The following BACH2 variants were observed in gnomAD, a reference collection of about 807,000 sequenced individuals.
BACH2 encodes the protein transcription regulator protein BACH2.
BACH2 carries 5 observed loss-of-function variants against 61.8 expected under a neutral mutation model. The ratio of observed to expected loss-of-function variants is 0.08; its 90% CI spans 0.04 to 0.17. The LOEUF is 0.17. BACH2 is among the 10% of genes least tolerant of loss of function. BACH2 has a pLI of 1.00. For missense variants in BACH2, 824 were observed against 1,091.1 expected, an observed-to-expected ratio of 0.76 and a Z score of 3.45; for synonymous variants, 446 against 440.1, an observed-to-expected ratio of 1.01 and a Z score of -0.17.
chr6:90,211,295 C>A (rs1257113953), intron 3 of BACH2, among the ~76,000 whole-genome samples: 1 of 152,104 alleles, frequency 6.6e-6, no homozygotes, highest in African/African-American at 2.4e-5. Context: ...CCTCACCAGC[C>A]AGGTCCTCGC....
At chr6:90,230,142 G>C (rs187530141) in intron 3 of BACH2, among the ~76,000 whole-genome samples, 1 of 152,310 alleles carries the variant, frequency 6.6e-6, no homozygotes, top group Non-Finnish European at 1.5e-5. Flanking sequence ...TTTTGAGAAA[G>C]GATGCTGAGG....
intron 5 of BACH2, among the ~76,000 whole-genome samples, chr6:90,015,877 TACA>T (rs1778032984): frequency 6.6e-6 from 1 of 152,352 alleles, no homozygotes; most frequent in African/African-American, 2.4e-5. Flanking sequence ...ACTTTCCGGC[TACA>T]ATTGTAGGCT....
At chr6:90,073,677 ATC>A (rs1409570833) in intron 5 of BACH2, among the ~76,000 whole-genome samples, 1 of 152,192 alleles carries the variant, frequency 6.6e-6, no homozygotes, top group East Asian at 1.9e-4. Context: ...GGACAAGGAA[ATC>A]TCTGCATTTT....
At chr6:90,145,901 G>T (rs564790545) in intron 4 of BACH2, among the ~76,000 whole-genome samples, 17 of 152,328 alleles carry the variant, frequency 1.1e-4, no homozygotes, top group African/African-American at 4.1e-4. Context: ...CAATGTCCTT[G>T]TGTGTCTGGC....
chr6:89,935,482 G>A (rs1050302764), intron 8 of BACH2, among the ~76,000 whole-genome samples: 2 of 152,170 alleles, frequency 1.3e-5, no homozygotes, highest in Non-Finnish European at 1.5e-5. Context: ...AAAATGAGGT[G>A]CCGCGTGTGA....
chr6:90,172,458 A>C (rs1767849399), intron 4 of BACH2, among the ~76,000 whole-genome samples: 1 of 152,108 alleles, frequency 6.6e-6, no homozygotes, highest in Non-Finnish European at 1.5e-5. Flanking sequence ...GATTTTTCAG[A>C]ACTAGTAATC....
chr6:90,205,487 C>T (rs1225636869), intron 4 of BACH2, among the ~76,000 whole-genome samples: 1 of 152,062 alleles, frequency 6.6e-6, no homozygotes, highest in Non-Finnish European at 1.5e-5. Flanking sequence ...TTTTGGTTGT[C>T]ACAATTAGAG....
At chr6:90,057,506 A>T (rs549194554) in intron 5 of BACH2, among the ~76,000 whole-genome samples, 24 of 152,350 alleles carry the variant, frequency 1.6e-4, no homozygotes, top group Admixed American at 1.2e-3. Context: ...AAAAAAGTCC[A>T]GGAACCAGGT....
intron 5 of BACH2, among the ~76,000 whole-genome samples, chr6:90,080,427 T>C (rs1427028914): frequency 6.6e-6 from 1 of 152,134 alleles, no homozygotes; most frequent in Non-Finnish European, 1.5e-5. Flanking sequence ...AATTCACACA[T>C]GGTTATCACT....
At chr6:90,105,127 G>T (rs995772781) in intron 4 of BACH2, among the ~76,000 whole-genome samples, 1 of 152,196 alleles carries the variant, frequency 6.6e-6, no homozygotes, top group Non-Finnish European at 1.5e-5. Flanking sequence ...ATCAGGGCTG[G>T]GAAGGCTTCA....
intron 6 of BACH2, among the ~76,000 whole-genome samples, chr6:89,973,127 C>T (rs749407969): frequency 4.6e-5 from 7 of 151,890 alleles, no homozygotes; most frequent in African/African-American, 1.2e-4. Context: ...GATGGCTGGG[C>T]GTGTTGGCTT....
At chr6:89,978,653 A>G (rs914017704) in intron 6 of BACH2, among the ~76,000 whole-genome samples, 6 of 151,624 alleles carry the variant, frequency 4.0e-5, no homozygotes, top group South Asian at 4.2e-4. Context: ...AAAAAAAAAA[A>G]AAAAGCAAAA....
At position 89,950,571 on chromosome 6, in the gene BACH2, G is replaced by C. The variant is rs1225043004; in HGVS notation, c.1535C>G (p.Pro512Arg). ...VPIKVCPRSP[P>R]LETRTRTSSS... ...GGAAGTCCTGGTCCTGGTCTCCAAG[G>C]GGGGTGAGCGAGGGCAGACTTTGAT... is the stretch of plus-strand genomic sequence containing the variant. Residue 512 changes from proline to arginine, a missense_variant, in exon 7 of 9, where the codon CCC (proline) becomes CGC (arginine). Transcript: ENST00000257749. This position sits in a 1 kb window ranked among gnomAD's most constrained non-coding sequence, Gnocchi z 5.3. The C allele has an allele frequency of 1.9e-6, 3 of 1,611,478 alleles. No homozygotes were observed. Among genetic ancestry groups the C allele is most frequent in the South Asian group, 1.1e-5 (1 of 90,922 alleles).
intron 4 of BACH2, among the ~76,000 whole-genome samples, chr6:90,133,167 C>T (rs1347209427): frequency 1.3e-5 from 2 of 152,184 alleles, no homozygotes; most frequent in Admixed American, 1.3e-4. Flanking sequence ...TTTCTCTGCC[C>T]ACCTCATCCT....
intron 4 of BACH2, among the ~76,000 whole-genome samples, chr6:90,162,001 G>A (rs955508204): frequency 2.0e-5 from 3 of 152,108 alleles, no homozygotes; most frequent in African/African-American, 4.8e-5. Flanking sequence ...CTGAGCAGGA[G>A]TTCCTCAGAG....
intron 1 of BACH2, among the ~76,000 whole-genome samples, chr6:90,281,256 G>A (rs1240061896): frequency 1.3e-5 from 2 of 152,274 alleles, no homozygotes; most frequent in Middle Eastern, 3.4e-3. Context: ...GTTCCCATGT[G>A]CACTTGAACA....
chr6:90,189,330 C>T lies in BACH2; in HGVS notation c.-162+17239G>A, dbSNP rs149001451. Among the ~76,000 whole-genome samples, 1,398 of 151,240 alleles carry T rather than the reference C, an allele frequency of 9.2e-3. 23 individuals carry two copies. The highest frequency in any genetic ancestry group is 0.035 in the South Asian group (166 of 4,758). On this transcript the variant is annotated intron_variant, in intron 4 of 8. Coordinates refer to ENST00000257749, the MANE Select transcript of BACH2 (RefSeq NM_021813.4). ...AACACTTCAAGAGTGGGCTTCCGGC[C>T]GGGCGCGGTGGCTCACGCCTGTAAT... is the stretch of plus-strand genomic sequence containing the variant.
At chr6:90,021,501 C>T (rs916193117) in intron 5 of BACH2, among the ~76,000 whole-genome samples, 7 of 152,082 alleles carry the variant, frequency 4.6e-5, no homozygotes, top group African/African-American at 1.7e-4. Flanking sequence ...ACATTTCTCC[C>T]AGAAACAGTG....
At chr6:90,167,905 T>A (rs578227546) in intron 4 of BACH2, among the ~76,000 whole-genome samples, 1 of 152,322 alleles carries the variant, frequency 6.6e-6, no homozygotes, top group Non-Finnish European at 1.5e-5. Context: ...GAAAAGACAA[T>A]TGGGCTCTCT....
Sources: allele counts gnomAD v4.1 joint callset (sites outside exome capture counted in the v4.1 genomes callset), GRCh38; gene constraint gnomAD v4.1.1; non-coding constraint Gnocchi (gnomAD v3.1); transcripts MANE v1.5; gene names NCBI Gene and HGNC (gene_info 2026-07-23, HGNC 2026-07-21).